Variants in ANKRD12 observed in about 807,000 individuals in gnomAD.
The protein encoded by ANKRD12 is ankyrin repeat domain-containing protein 12.
Under a neutral mutation model 183.4 loss-of-function variants are expected in ANKRD12, and 85 were observed. The ratio of observed to expected loss-of-function variants is 0.46; its 90% CI spans 0.39 to 0.56. The LOEUF is 0.56. Among genes scored for constraint, ANKRD12 ranks in the 20% least tolerant of loss-of-function variants. ANKRD12 has a pLI of 0.00. For synonymous variants in ANKRD12, 914 were observed against 800.2 expected (o/e 1.14, Z -2.40); for missense variants, 2,405 against 2,357.1 (o/e 1.02, Z -0.42).
intron 9 of ANKRD12, chr18:9,259,290 T>A (rs186186558): frequency 6.2e-6 from 1 of 160,148 alleles, no homozygotes; most frequent in Admixed American, 6.3e-5. Flanking sequence ...TTTATATATG[T>A]ATACATTTGT....
intron 10 of ANKRD12, among the ~76,000 whole-genome samples, chr18:9,275,283 A>G (rs1468275585): frequency 6.8e-6 from 1 of 147,608 alleles, no homozygotes; most frequent in Admixed American, 7.0e-5. Flanking sequence ...TGGGCAACCT[A>G]GTGAGACTTT....
At chr18:9,195,916 A>C (rs1476149154) in intron 3 of ANKRD12, among the ~76,000 whole-genome samples, 1 of 152,060 alleles carries the variant, frequency 6.6e-6, no homozygotes, top group Non-Finnish European at 1.5e-5. Flanking sequence ...TACTCTTTGA[A>C]TGTTTATTGT....
chr18:9,151,163 A>G (rs973463815), intron 1 of ANKRD12, among the ~76,000 whole-genome samples: 1 of 152,220 alleles, frequency 6.6e-6, no homozygotes, highest in African/African-American at 2.4e-5. Context: ...CAGGGAGGGA[A>G]GTCCAGTTAA....
chr18:9,247,060 TGAA>T (rs911499202), intron 8 of ANKRD12, among the ~76,000 whole-genome samples: 23 of 152,352 alleles, frequency 1.5e-4, no homozygotes, highest in Non-Finnish European at 1.9e-4. Context: ...ACACCTATTT[TGAA>T]GTGTGCCAAG....
intron 1 of ANKRD12, among the ~76,000 whole-genome samples, chr18:9,147,105 C>T (rs970871298): frequency 1.3e-5 from 2 of 152,008 alleles, no homozygotes; most frequent in Non-Finnish European, 2.9e-5. Flanking sequence ...AGAATTTGGA[C>T]GTAGTTTTTT....
intron 1 of ANKRD12, among the ~76,000 whole-genome samples, chr18:9,162,660 A>T (rs926440134): frequency 6.6e-6 from 1 of 151,900 alleles, no homozygotes; most frequent in Non-Finnish European, 1.5e-5. Flanking sequence ...AATTCCTAAC[A>T]CTCCCACTAA....
intron 3 of ANKRD12, among the ~76,000 whole-genome samples, chr18:9,198,924 AAATT>A (rs886583332): frequency 3.7e-4 from 56 of 152,310 alleles, no homozygotes; most frequent in African/African-American, 1.3e-3. Context: ...AAAATCAGGA[AAATT>A]GTGTTGAGTA....
Position 9,258,259 on chromosome 18 carries a change from A to C in ANKRD12, c.4992A>C (p.Leu1664=). 2 of 1,613,800 alleles carry C rather than the reference A, an allele frequency of 1.2e-6. No individual in the cohort carries two copies. The highest frequency in any genetic ancestry group is 2.2e-5 in the South Asian group (2 of 91,064). The change falls in exon 9 of 13, where the codon CTA becomes CTC. Residue 1664 remains leucine, a synonymous_variant. Transcript: ENST00000262126. ...ATGCAGGGATGCCAAAAGGAAACCTAAATGAACAAGATCCAAAACATTGTC... is the reference window on the plus strand; with the variant it reads ...ATGCAGGGATGCCAAAAGGAAACCTCAATGAACAAGATCCAAAACATTGTC... ...EMNAGMPKGN[L]NEQDPKHCPE...
At chr18:9,189,753 G>A (rs1453361159) in intron 2 of ANKRD12, among the ~76,000 whole-genome samples, 1 of 152,284 alleles carries the variant, frequency 6.6e-6, no homozygotes, top group Non-Finnish European at 1.5e-5. Context: ...AATAGATTAA[G>A]CCTACTGTTG....
intron 6 of ANKRD12, among the ~76,000 whole-genome samples, chr18:9,213,192 TG>T (rs1366823078): frequency 6.6e-6 from 1 of 151,974 alleles, no homozygotes; most frequent in African/African-American, 2.4e-5. Context: ...GTTTCTGTTT[TG>T]TTTTTACATG....
At chr18:9,230,328 C>G (rs892632377) in intron 8 of ANKRD12, among the ~76,000 whole-genome samples, 1 of 151,936 alleles carries the variant, frequency 6.6e-6, no homozygotes, top group South Asian at 2.1e-4. Context: ...TTGTAATGTC[C>G]CCTTTTTTAT....
chr18:9,255,199 T>C lies in ANKRD12; in HGVS notation c.1932T>C (p.Asp644=). Residue 644 remains aspartate (D), a synonymous_variant, in exon 9 of 13, where the codon GAT becomes GAC. Transcript: ENST00000262126. ...ENSDCTLKKM[D]KEGKTLKKHK... ...CAGATTGCACACTGAAAAAAATGGATAAAGAAGGTAAAACATTAAAAAAAC... is the reference window on the plus strand; with the variant it reads ...CAGATTGCACACTGAAAAAAATGGACAAAGAAGGTAAAACATTAAAAAAAC... 1 of 1,564,278 alleles carries C rather than the reference T, an allele frequency of 6.4e-7. No individual in the cohort carries two copies. Among genetic ancestry groups the C allele is most frequent in the South Asian group, 1.2e-5 (1 of 82,072 alleles).
At chr18:9,251,411 T>C (rs1018276256) in intron 8 of ANKRD12, among the ~76,000 whole-genome samples, 1 of 152,248 alleles carries the variant, frequency 6.6e-6, no homozygotes, top group East Asian at 1.9e-4. Flanking sequence ...GTTGCAAATA[T>C]CTGAAGTCGC....
rs1292133958 is a variant in ANKRD12, at chr18:9,281,706, T to G, written c.*580T>G. 1 of 152,666 alleles carries G rather than the reference T, an allele frequency of 6.6e-6. No homozygotes were observed. The highest frequency in any genetic ancestry group is 1.5e-5 in the Non-Finnish European group (1 of 68,040). 9.5% of individuals were successfully genotyped at this position (152,666 alleles called of 1,614,324 possible). A position where few individuals can be genotyped will look rare whatever the true frequency, so the allele number is the denominator to read the frequency against. On this transcript the variant is annotated 3_prime_UTR_variant, in exon 13 of 13. Transcript: ENST00000262126. ...TAATGGTCAAACTGTATAAAGGGAT[T>G]GGTAGTCAAAACATGTACAAAGAAA...
chr18:9,191,023 C>T (rs8089143), intron 2 of ANKRD12, among the ~76,000 whole-genome samples: 119,124 of 152,058 alleles, frequency 0.78, 46,884 homozygotes, highest in Middle Eastern at 0.88. Flanking sequence ...CTGGATACTT[C>T]TTTTACCATT....
In ANKRD12 at chr18:9,231,281, A is replaced by G. The variant is rs1172973742; in HGVS notation, c.943+9282A>G. ...TGTTAGGTCCTTTGGTCTGAAGTCC[A>G]GTATAAGTCCAGTGTTTCTTTATTT... On this transcript the variant is annotated intron_variant, in intron 8 of 12. Transcript: ENST00000262126. 2.0e-5 allele frequency among the ~76,000 whole-genome samples: 3 copies of G among 152,154 alleles called. No homozygotes were observed. In the East Asian group the frequency reaches 5.8e-4, roughly 29 times the overall value.
intron 10 of ANKRD12, among the ~76,000 whole-genome samples, chr18:9,268,531 T>C (rs2145375346): frequency 6.6e-6 from 1 of 152,292 alleles, no homozygotes; most frequent in South Asian, 2.1e-4. Context: ...CACATGATTA[T>C]CTCAATAGAG....
intron 1 of ANKRD12, among the ~76,000 whole-genome samples, chr18:9,144,038 A>G (rs1485845529): frequency 6.6e-6 from 1 of 152,218 alleles, no homozygotes; most frequent in Non-Finnish European, 1.5e-5. Context: ...CTTAAAAATT[A>G]TATTACCACT....
chr18:9,190,364 A>G (rs1164860210), intron 2 of ANKRD12, among the ~76,000 whole-genome samples: 1 of 152,254 alleles, frequency 6.6e-6, no homozygotes, highest in Non-Finnish European at 1.5e-5. Context: ...CATCTTTCTT[A>G]TGGATGAGCA....
Sources: allele counts gnomAD v4.1 joint callset (sites outside exome capture counted in the v4.1 genomes callset), GRCh38; gene constraint gnomAD v4.1.1; transcripts MANE v1.5; gene names NCBI Gene and HGNC (gene_info 2026-07-23, HGNC 2026-07-21).